Variants in SSBP2 observed in about 807,000 individuals in gnomAD.
SSBP2 encodes the protein single stranded DNA binding protein 2.
SSBP2 carries 17 observed loss-of-function variants against 61.8 expected under a neutral mutation model. That is an observed-to-expected ratio of 0.28 (90% confidence interval 0.19 to 0.41). The LOEUF (loss-of-function observed/expected upper bound fraction) is 0.41. Among genes scored for constraint, SSBP2 ranks in the 10% least tolerant of loss-of-function variants. The pLI is 1.00. For synonymous variants in SSBP2, 139 were observed against 141.3 expected (o/e 0.98, Z 0.12); for missense variants, 310 against 458.7 (o/e 0.68, Z 2.96).
Position 81,460,805 on chromosome 5 carries a change from A to T in SSBP2, c.687+250T>A, listed in dbSNP as rs151138006. Among the ~76,000 whole-genome samples the T allele has an allele frequency of 5.7e-3, 874 of 152,216 alleles. 4 individuals are homozygous for T. Among genetic ancestry groups the T allele is most frequent in the African/African-American group, 0.019 (803 of 41,532 alleles). ...GTATATACTTAAGTCACACTATTTC[A>T]ATTTTTATTTTTGAAAGTCTTGTTG... On this transcript the variant is annotated intron_variant, in intron 10 of 16. Transcript: ENST00000320672.
At chr5:81,546,449 G>T (rs1301295285) in intron 4 of SSBP2, among the ~76,000 whole-genome samples, 3 of 150,520 alleles carry the variant, frequency 2.0e-5, no homozygotes, top group African/African-American at 7.3e-5. Flanking sequence ...TTATGCTAGG[G>T]CACTAACTAG....
At position 81,542,817 on chromosome 5, in the gene SSBP2, TTCTCTC is replaced by T. The variant is rs60252222; in HGVS notation, c.283-29106_283-29101del. Among the ~76,000 whole-genome samples, 157 of 106,786 alleles carry T rather than the reference TTCTCTC, an allele frequency of 1.5e-3. 1 individual carries two copies. The highest frequency in any genetic ancestry group is 1.8e-3 in the Non-Finnish European group (96 of 52,192). The allele number at this position is 106,786 out of a possible 152,430, so 70.1% of individuals were successfully genotyped here. On this transcript the variant is annotated intron_variant, in intron 4 of 16. Coordinates refer to ENST00000320672, the MANE Select transcript of SSBP2 (RefSeq NM_012446.5). ...ATGGTTTTTATAAGTATTTGACAGT[TTCTCTC>T]TCTCTCTCTCTCTCTCTCTCTCTCT...
intron 1 of SSBP2, among the ~76,000 whole-genome samples, chr5:81,746,865 A>T (rs1051480633): frequency 3.3e-5 from 5 of 152,128 alleles, no homozygotes; most frequent in Non-Finnish European, 5.9e-5. Flanking sequence ...TTAGTTTAAT[A>T]AAAAATTAAT....
intron 1 of SSBP2, among the ~76,000 whole-genome samples, chr5:81,667,890 G>A (rs1195286515): frequency 2.6e-5 from 4 of 152,106 alleles, no homozygotes; most frequent in Non-Finnish European, 5.9e-5. Context: ...GTCTAATTTT[G>A]AAGTAGGATC....
chr5:81,522,064 C>T (rs868338872), intron 4 of SSBP2, among the ~76,000 whole-genome samples: 3 of 151,986 alleles, frequency 2.0e-5, no homozygotes, highest in South Asian at 2.1e-4. Flanking sequence ...AAATTCTGAA[C>T]GGTGAGAAAA....
At position 81,413,723 on chromosome 5, in the gene SSBP2, AAC is replaced by A. The variant is rs1435549135; in HGVS notation, c.*6779_*6780del. 6 of 152,126 alleles carry A rather than the reference AAC, an allele frequency of 3.9e-5. No homozygotes were observed. Among genetic ancestry groups the A allele is most frequent in the African/African-American group, 7.2e-5 (3 of 41,414 alleles). The allele number at this position is 152,126 out of a possible 1,614,324, so 9.4% of individuals were successfully genotyped here. A position where few individuals can be genotyped will look rare whatever the true frequency, so the allele number is the denominator to read the frequency against. On this transcript the variant is annotated 3_prime_UTR_variant, in exon 17 of 17. Transcript: ENST00000320672. ...AGTTTGAAATATGATAGAAAGTATA[AAC>A]ACATTTCAATCAGTAGTTTATATTA... is the stretch of plus-strand genomic sequence containing the variant.
intron 1 of SSBP2, among the ~76,000 whole-genome samples, chr5:81,672,597 G>A (rs1268151232): frequency 6.7e-6 from 1 of 148,786 alleles, no homozygotes; most frequent in Non-Finnish European, 1.5e-5. Context: ...TTGAGATGGA[G>A]TTTCACTCTT....
At position 81,650,294 on chromosome 5, in the gene SSBP2, C is replaced by A; in HGVS notation, c.108G>T (p.Gln36His). Residue 36 changes from glutamine (Q) to histidine (H), a missense_variant, in exon 2 of 17, where the codon CAG (glutamine) becomes CAT (histidine). Physicochemically the swap from Gln to His is conservative, Grantham distance 24. Around this residue, in one of 4 missense-constraint regions of SSBP2, gnomAD observed 21 missense variants for 59.1 expected, o/e 0.36. Coordinates refer to ENST00000320672, the MANE Select transcript of SSBP2 (RefSeq NM_012446.5). ...CTGATAAAAATGTTTGAGCTGATTT[C>A]TGAGCTCCTACATGGAGCAGATATT... 6.3e-7 allele frequency: 1 copy of A among 1,592,616 alleles called. No individual in the cohort carries two copies.
chr5:81,487,901 A>T (rs981404300), intron 6 of SSBP2, among the ~76,000 whole-genome samples: 4 of 150,294 alleles, frequency 2.7e-5, no homozygotes, highest in African/African-American at 9.7e-5. Flanking sequence ...TATAAGTGAG[A>T]TCATGCAATA....
intron 1 of SSBP2, among the ~76,000 whole-genome samples, chr5:81,739,889 T>C (rs929524374): frequency 6.6e-6 from 1 of 152,192 alleles, no homozygotes; most frequent in African/African-American, 2.4e-5. Flanking sequence ...ATTCTGCTAT[T>C]CTGCTGGGGA....
At position 81,441,118 on chromosome 5, in the gene SSBP2, T is replaced by C. The variant is rs749565600; in HGVS notation, c.850-482A>G. On this transcript the variant is annotated intron_variant, in intron 13 of 16. Transcript: ENST00000320672. The stretch of plus-strand genomic sequence containing the variant: ...GGACATAATAAATAATTTCATCTTA[T>C]AGGTTAAATACATTTCATTCCTTGG... 2.6e-5 allele frequency among the ~76,000 whole-genome samples: 4 copies of C among 152,308 alleles called. No individual in the cohort carries two copies. The East Asian group carries it at 5.8e-4, about 22-fold the overall frequency.
At chr5:81,430,804 C>T (rs539170860) in intron 15 of SSBP2, among the ~76,000 whole-genome samples, 115 of 152,210 alleles carry the variant, frequency 7.6e-4, no homozygotes, top group African/African-American at 2.6e-3. Context: ...ACATACAAAA[C>T]TGAGATAAAA....
At chr5:81,478,366 A>T (rs944027942) in intron 6 of SSBP2, among the ~76,000 whole-genome samples, 4 of 151,650 alleles carry the variant, frequency 2.6e-5, no homozygotes, top group African/African-American at 9.7e-5. Context: ...TCTGATACAG[A>T]GTCTTACTCT....
At chr5:81,673,118 G>A (rs1023895011) in intron 1 of SSBP2, among the ~76,000 whole-genome samples, 1 of 152,164 alleles carries the variant, frequency 6.6e-6, no homozygotes, top group Non-Finnish European at 1.5e-5. Context: ...TGGAATTACA[G>A]GCATGAGCCA....
intron 1 of SSBP2, among the ~76,000 whole-genome samples, chr5:81,736,431 T>C (rs1000289064): frequency 6.6e-5 from 10 of 152,216 alleles, no homozygotes; most frequent in Admixed American, 5.9e-4. Context: ...AGGTATTTAT[T>C]GGAACTTGGA....
At chr5:81,648,130 A>G (rs1305721291) in intron 2 of SSBP2, among the ~76,000 whole-genome samples, 7 of 152,082 alleles carry the variant, frequency 4.6e-5, no homozygotes, top group Non-Finnish European at 1.0e-4. Context: ...TTAAATTTCC[A>G]GAGTGCACTA....
chr5:81,443,599 A>G (rs890754896), intron 12 of SSBP2, among the ~76,000 whole-genome samples: 1 of 152,126 alleles, frequency 6.6e-6, no homozygotes, highest in African/African-American at 2.4e-5. Flanking sequence ...GTCTTGCTCT[A>G]TCGCCCAGGC....
chr5:81,739,348 T>C (rs1037956073), intron 1 of SSBP2, among the ~76,000 whole-genome samples: 4 of 152,276 alleles, frequency 2.6e-5, no homozygotes, highest in African/African-American at 7.2e-5. Context: ...ATTCTCTCTC[T>C]GGCTAAAATA....
intron 1 of SSBP2, among the ~76,000 whole-genome samples, chr5:81,654,912 G>A (rs1376129435): frequency 3.3e-5 from 5 of 152,022 alleles, no homozygotes; most frequent in Non-Finnish European, 7.4e-5. Context: ...TGAGGCAGGA[G>A]GATAGCTTGA....
Sources: allele counts gnomAD v4.1 joint callset (sites outside exome capture counted in the v4.1 genomes callset), GRCh38; gene constraint gnomAD v4.1.1; regional missense constraint gnomAD v4.1.1; transcripts MANE v1.5; gene names NCBI Gene and HGNC (gene_info 2026-07-23, HGNC 2026-07-21).